The following SGCZ variants were observed in gnomAD, a reference collection of about 807,000 sequenced individuals.
SGCZ encodes the protein zeta-sarcoglycan.
In SGCZ, 40 loss-of-function variants were observed where a neutral mutation model predicts 41.3. The ratio of observed to expected loss-of-function variants is 0.97; its 90% CI spans 0.75 to 1.26. SGCZ has a LOEUF of 1.26. SGCZ is among the 50% of genes most tolerant of loss of function. SGCZ has a pLI of 0.00. For synonymous variants in SGCZ, 206 were observed against 137.5 expected, an observed-to-expected ratio of 1.50 and a Z score of -3.49; for missense variants, 552 against 369.8, an observed-to-expected ratio of 1.49 and a Z score of -4.04.
chr8:15,199,324 A>C (rs536554533), intron 1 of SGCZ, among the ~76,000 whole-genome samples: 6 of 152,236 alleles, frequency 3.9e-5, no homozygotes, highest in Admixed American at 3.9e-4. Context: ...GCTCACTTTC[A>C]GTCTAGACCA....
At chr8:14,153,027 T>C (rs542224284) in intron 5 of SGCZ, among the ~76,000 whole-genome samples, 5 of 151,784 alleles carry the variant, frequency 3.3e-5, no homozygotes, top group Non-Finnish European at 7.4e-5. Context: ...AACGTGAGGG[T>C]GGAGGAAAAG....
At chr8:14,271,657 T>C (rs1585305179) in intron 3 of SGCZ, among the ~76,000 whole-genome samples, 1 of 152,300 alleles carries the variant, frequency 6.6e-6, no homozygotes, top group East Asian at 1.9e-4. Context: ...TTCCTGGTTT[T>C]CTGCTGGAGA....
intron 2 of SGCZ, among the ~76,000 whole-genome samples, chr8:14,491,614 T>G (rs1276794996): frequency 2.6e-5 from 4 of 152,154 alleles, no homozygotes; most frequent in African/African-American, 7.2e-5. Flanking sequence ...TGAATATATG[T>G]GTGTTAATGT....
chr8:15,199,446 T>C (rs1273983064), intron 1 of SGCZ, among the ~76,000 whole-genome samples: 2 of 152,228 alleles, frequency 1.3e-5, no homozygotes, highest in Admixed American at 6.5e-5. Context: ...AGTTGAGCGA[T>C]ACCATTACTT....
chr8:15,169,139 T>C (rs1214734563), intron 1 of SGCZ, among the ~76,000 whole-genome samples: 1 of 152,188 alleles, frequency 6.6e-6, no homozygotes, highest in African/African-American at 2.4e-5. Context: ...AATAGGCCTC[T>C]AAGGAAGCTC....
chr8:14,871,478 A>G (rs1276514565), intron 1 of SGCZ, among the ~76,000 whole-genome samples: 3 of 152,082 alleles, frequency 2.0e-5, no homozygotes, highest in African/African-American at 7.2e-5. Flanking sequence ...AAGACTTGGA[A>G]CTAACCCAAA....
intron 1 of SGCZ, among the ~76,000 whole-genome samples, chr8:14,621,417 C>T (rs1299631385): frequency 1.3e-5 from 2 of 150,942 alleles, no homozygotes; most frequent in Non-Finnish European, 3.0e-5. Context: ...GCACATGTAC[C>T]ATAGAACTTA....
intron 2 of SGCZ, among the ~76,000 whole-genome samples, chr8:14,511,093 A>G (rs533514022): frequency 1.3e-5 from 2 of 152,134 alleles, no homozygotes; most frequent in African/African-American, 2.4e-5. Context: ...AGGATGAATT[A>G]TGTGTCACAA....
chr8:14,324,558 C>A (rs1228873313), intron 2 of SGCZ, among the ~76,000 whole-genome samples: 1 of 152,002 alleles, frequency 6.6e-6, no homozygotes, highest in Non-Finnish European at 1.5e-5. Context: ...ACTTTGTTTG[C>A]AGAGAAATCT....
intron 1 of SGCZ, among the ~76,000 whole-genome samples, chr8:14,771,384 A>G (rs186727681): frequency 7.2e-5 from 11 of 152,276 alleles, no homozygotes; most frequent in Admixed American, 2.0e-4. Flanking sequence ...ATTTATTTTT[A>G]GGGAGTGTAT....
chr8:14,497,778 G>C (rs1000531698), intron 2 of SGCZ, among the ~76,000 whole-genome samples: 2 of 152,060 alleles, frequency 1.3e-5, no homozygotes, highest in African/African-American at 4.8e-5. Flanking sequence ...CAACATTGGG[G>C]AACGCATTTC....
intron 4 of SGCZ, among the ~76,000 whole-genome samples, chr8:14,220,790 C>CA (rs771420309): frequency 4.9e-5 from 5 of 102,078 alleles, no homozygotes; most frequent in Non-Finnish European, 8.4e-5. Flanking sequence ...CTGCCAAAAA[C>CA]AAACAAACAA....
intron 1 of SGCZ, among the ~76,000 whole-genome samples, chr8:15,059,026 A>G (rs1445220941): frequency 1.3e-5 from 2 of 152,092 alleles, no homozygotes; most frequent in African/African-American, 4.8e-5. Flanking sequence ...TGTTTTTTGT[A>G]TCTAATTATT....
At chr8:14,604,354 G>C (rs1289874104) in intron 1 of SGCZ, among the ~76,000 whole-genome samples, 1 of 152,100 alleles carries the variant, frequency 6.6e-6, no homozygotes, top group African/African-American at 2.4e-5. Flanking sequence ...AGGAAAGTAT[G>C]CCAAGATCAA....
intron 1 of SGCZ, among the ~76,000 whole-genome samples, chr8:14,962,330 A>G (rs1049962801): frequency 2.0e-5 from 3 of 152,048 alleles, no homozygotes; most frequent in Non-Finnish European, 4.4e-5. Context: ...GTTGATAGCT[A>G]TTACCCTTTT....
chr8:14,378,118 A>G (rs1192018757), intron 2 of SGCZ, among the ~76,000 whole-genome samples: 49 of 150,268 alleles, frequency 3.3e-4, no homozygotes, highest in Non-Finnish European at 3.5e-4. Flanking sequence ...GACTTCCACA[A>G]TGGTTGAACT....
rs141204457 is a variant in SGCZ at position 15,211,030 on chromosome 8, T to TACATAG, written c.39+26554_39+26555insCTATGT. Among the ~76,000 whole-genome samples, 42 of 147,202 alleles carry TACATAG rather than the reference T, an allele frequency of 2.9e-4. 1 individual carries two copies. The highest frequency in any genetic ancestry group is 1.0e-3 in the African/African-American group (41 of 40,404). On this transcript the variant is annotated intron_variant, in intron 1 of 7. Transcript: ENST00000382080. The stretch of plus-strand genomic sequence containing the variant: ...CTCTCTCTATATATAGATATATACA[T>TACATAG]ATATAGATATAGATATAGATAGATA...
chr8:14,845,140 A>G (rs1030332163), intron 1 of SGCZ, among the ~76,000 whole-genome samples: 4 of 152,162 alleles, frequency 2.6e-5, no homozygotes, highest in Non-Finnish European at 5.9e-5. Context: ...ACCTAAATGA[A>G]TGAGATGATG....
intron 4 of SGCZ, among the ~76,000 whole-genome samples, chr8:14,226,453 C>T (rs147037055): frequency 5.1e-4 from 77 of 152,106 alleles, no homozygotes; most frequent in African/African-American, 1.7e-3. Flanking sequence ...TAGTTTTGTC[C>T]TTTTAAGAAC....
Sources: gnomAD v4.1 joint callset for allele counts (sites outside exome capture counted in the v4.1 genomes callset) on GRCh38, gnomAD v4.1.1 for gene constraint, MANE v1.5 for transcripts, NCBI Gene and HGNC (gene_info 2026-07-23, HGNC 2026-07-21) for gene names.